Variants in VRK3 observed in about 807,000 individuals in gnomAD.
VRK3 encodes VRK serine/threonine kinase 3, also known as serine/threonine-protein kinase VRK3.
Under a neutral mutation model 60.4 loss-of-function variants are expected in VRK3, and 50 were observed. That is an observed-to-expected ratio of 0.83 (90% CI 0.66 to 1.05). The LOEUF (loss-of-function observed/expected upper bound fraction) is 1.05, where lower values mean the gene tolerates loss of function less well. VRK3 is among the 50% of genes least tolerant of loss of function. The pLI is 0.00. For missense variants in VRK3, 549 were observed against 585.3 expected (o/e 0.94, Z 0.64); for synonymous variants, 246 against 227.8 (o/e 1.08, Z -0.72).
chr19:50,015,733 T>C (rs930678657), intron 3 of VRK3: 1 of 398,534 alleles, frequency 2.5e-6, no homozygotes, highest in Non-Finnish European at 4.6e-6. Flanking sequence ...ATACTCAACC[T>C]GCAGGTGCCA....
chr19:50,017,564 A>C (rs1261379218), intron 2 of VRK3, among the ~76,000 whole-genome samples: 1 of 145,208 alleles, frequency 6.9e-6, no homozygotes, highest in Admixed American at 6.8e-5. Context: ...ACAAGAGTGA[A>C]ACTCTGCCTC....
At chr19:49,996,153 C>T (rs954072320) in intron 7 of VRK3, among the ~76,000 whole-genome samples, 2 of 151,988 alleles carry the variant, frequency 1.3e-5, no homozygotes, top group Admixed American at 1.3e-4. Context: ...ATCTCCTGAC[C>T]TCATGATCCG....
At chr19:50,002,327 G>A (rs951735120) in intron 5 of VRK3, among the ~76,000 whole-genome samples, 1 of 152,130 alleles carries the variant, frequency 6.6e-6, no homozygotes, top group Non-Finnish European at 1.5e-5. Context: ...TCAAGGCCAA[G>A]GGTGCTCTGA....
At chr19:50,021,826 T>C (rs1435894412) in intron 1 of VRK3, among the ~76,000 whole-genome samples, 2 of 152,240 alleles carry the variant, frequency 1.3e-5, no homozygotes, top group African/African-American at 4.8e-5. Flanking sequence ...CAGTTCAGTA[T>C]GTGCAGACCA....
chr19:50,000,796 G>T lies in VRK3; in HGVS notation c.606C>A (p.Leu202=). ...DSGPQKQKFS[L]KLDAKDGRLF... Reference sequence around the variant, plus strand: ...CACCTGCAGGGTCACTTACCAGTTTGAGTGAGAACTTTTGCTTCTGTGGTC... The same window carrying T: ...CACCTGCAGGGTCACTTACCAGTTTTAGTGAGAACTTTTGCTTCTGTGGTC... The change falls in exon 6 of 15, where the codon CTC becomes CTA. Residue 202 remains leucine (L), a synonymous_variant. Coordinates refer to ENST00000316763, the MANE Select transcript of VRK3 (RefSeq NM_016440.4). 1 of 1,613,372 alleles carries T rather than the reference G, an allele frequency of 6.2e-7. No homozygotes were observed. The highest frequency in any genetic ancestry group is 1.1e-5 in the South Asian group (1 of 90,822).
chr19:50,012,455 G>C (rs914990780), intron 3 of VRK3, among the ~76,000 whole-genome samples: 1 of 152,098 alleles, frequency 6.6e-6, no homozygotes, highest in Non-Finnish European at 1.5e-5. Flanking sequence ...CAGAAACCAG[G>C]GCTGTCTCAT....
chr19:49,986,837 T>G (rs2076524272), intron 12 of VRK3: 1 of 152,206 alleles, frequency 6.6e-6, no homozygotes, highest in Non-Finnish European at 1.5e-5. Context: ...GAGTCTCCCT[T>G]TAGACTTCAC....
Position 49,992,866 on chromosome 19 carries a change from C to G in VRK3, c.957G>C (p.Gln319His). ...AENIFVDPED[Q>H]SQVTLAGYGF... Reference sequence around the variant, plus strand: ...GGCAGGAGCTGGCTCTTACCTGACTCTGGTCCTCTGGATCCACAAAGATAT... The same window carrying G: ...GGCAGGAGCTGGCTCTTACCTGACTGTGGTCCTCTGGATCCACAAAGATAT... Residue 319 changes from glutamine (Q) to histidine (H), a missense_variant, in exon 10 of 15, where the codon CAG becomes CAC. Gln to His is a conservative substitution (Grantham distance 24). Transcript: ENST00000316763. 1 of 1,614,082 alleles carries G rather than the reference C, an allele frequency of 6.2e-7. No homozygotes were observed. Among genetic ancestry groups the G allele is most frequent in the Non-Finnish European group, 8.5e-7 (1 of 1,180,012 alleles).
intron 13 of VRK3, 47 bp from the exon 14 acceptor site, chr19:49,979,289 C>A (rs750326358): frequency 1.9e-6 from 3 of 1,613,094 alleles, no homozygotes; most frequent in Non-Finnish European, 2.5e-6. Flanking sequence ...AGAGGCATCC[C>A]CCAACCCCGA....
intron 3 of VRK3, among the ~76,000 whole-genome samples, chr19:50,011,374 T>C (rs916020210): frequency 3.3e-5 from 5 of 152,244 alleles, no homozygotes; most frequent in African/African-American, 1.2e-4. Context: ...GTCTGCCATA[T>C]TGCTAAAAAC....
intron 1 of VRK3, among the ~76,000 whole-genome samples, chr19:50,023,332 C>T (rs1292559682): frequency 2.6e-5 from 4 of 152,182 alleles, no homozygotes; most frequent in South Asian, 2.1e-4. Context: ...ATTACAGATG[C>T]GTGTCACCAC....
chr19:50,012,543 CT>C (rs1351906568), intron 3 of VRK3, among the ~76,000 whole-genome samples: 6 of 152,092 alleles, frequency 3.9e-5, no homozygotes, highest in African/African-American at 1.4e-4. Context: ...CATCTGATGA[CT>C]GATGGAGTGA....
At chr19:50,009,780 T>G (rs915434147) in intron 3 of VRK3, among the ~76,000 whole-genome samples, 1 of 152,096 alleles carries the variant, frequency 6.6e-6, no homozygotes, top group Admixed American at 6.6e-5. Context: ...ATTACAGGCA[T>G]GCACCAACAT....
chr19:49,979,811 A>T (rs1316193892), intron 13 of VRK3, among the ~76,000 whole-genome samples: 1 of 152,084 alleles, frequency 6.6e-6, no homozygotes, highest in Non-Finnish European at 1.5e-5. Context: ...TGGGAGGCAG[A>T]GGCGGGTGGA....
intron 9 of VRK3, 62 bp from the exon 10 acceptor site, chr19:49,993,014 T>G: frequency 7.2e-7 from 1 of 1,397,046 alleles, no homozygotes; most frequent in Non-Finnish European, 9.5e-7. Flanking sequence ...GAGGCTATGG[T>G]GCAGACCAGG....
intron 2 of VRK3, among the ~76,000 whole-genome samples, chr19:50,020,154 C>T (rs2077149458): frequency 6.6e-6 from 1 of 151,982 alleles, no homozygotes; most frequent in South Asian, 2.1e-4. Flanking sequence ...AATTCTCCTG[C>T]CTCAGCATCC....
At chr19:49,998,194 T>C (rs1415571288) in intron 6 of VRK3, 1 of 152,198 alleles carries the variant, frequency 6.6e-6, no homozygotes, top group Non-Finnish European at 1.5e-5. Flanking sequence ...TTTGTTAAAA[T>C]AACACTAAAT....
intron 7 of VRK3, among the ~76,000 whole-genome samples, chr19:49,996,750 G>A (rs2076711130): frequency 1.3e-5 from 2 of 151,952 alleles, no homozygotes; most frequent in African/African-American, 2.4e-5. Flanking sequence ...CCATGTAGCT[G>A]AGATTACAGG....
intron 9 of VRK3, 33 bp downstream of exon 9, chr19:49,994,781 G>C (rs905519510): frequency 1.3e-6 from 2 of 1,592,478 alleles, no homozygotes; most frequent in African/African-American, 2.7e-5. Flanking sequence ...TGCCCTCCCT[G>C]ACGCGGCAGC....
Sources: gnomAD v4.1 joint callset for allele counts (sites outside exome capture counted in the v4.1 genomes callset) on GRCh38, gnomAD v4.1.1 for gene constraint, MANE v1.5 for transcripts, NCBI Gene and HGNC (gene_info 2026-07-23, HGNC 2026-07-21) for gene names.